Variants in GALNT12 observed in about 807,000 individuals in gnomAD.
The protein encoded by GALNT12 is polypeptide N-acetylgalactosaminyltransferase 12, also known as UDP-GalNAc:polypeptide N-acetylgalactosaminyltransferase 12.
In GALNT12, 45 loss-of-function variants were observed where a neutral mutation model predicts 55.5. The observed-to-expected ratio is 0.81, with a 90% confidence interval of 0.64 to 1.04. The LOEUF (loss-of-function observed/expected upper bound fraction) is 1.04. Ranked by LOEUF, GALNT12 falls within the 50% of genes least tolerant of loss-of-function variation. GALNT12 has a pLI of 0.00. For synonymous variants in GALNT12, 304 were observed against 312.2 expected (o/e 0.97, Z 0.28); for missense variants, 709 against 754.8 (o/e 0.94, Z 0.71).
chr9:98,817,330 C>G (rs1835635520), intron 1 of GALNT12, among the ~76,000 whole-genome samples: 1 of 152,200 alleles, frequency 6.6e-6, no homozygotes, highest in African/African-American at 2.4e-5. Context: ...CTTTTCTATG[C>G]ATCTTGTCTA....
rs547822849 is a variant in GALNT12, at chr9:98,842,096, G to GT, written c.1344+1971dup. ...GTTTTTTTTTTTGTTGTGGCTCATT[G>GT]TTTTTTTTGGCTTTTTCTCTTCTTG... On this transcript the variant is annotated intron_variant, in intron 7 of 9. Transcript: ENST00000375011. Among the ~76,000 whole-genome samples, 123 of 149,728 alleles carry GT rather than the reference G, an allele frequency of 8.2e-4. 1 individual carries two copies. The highest frequency in any genetic ancestry group is 5.7e-3 in the Admixed American group (85 of 15,004).
chr9:98,844,375 C>T (rs752651220), intron 8 of GALNT12, 166 bp downstream of exon 8: 57 of 630,858 alleles, frequency 9.0e-5, no homozygotes, highest in Non-Finnish European at 1.4e-4. Flanking sequence ...GTTTTCTTCC[C>T]ATCATTTTTT....
At chr9:98,843,607 G>A (rs7047799) in intron 7 of GALNT12, among the ~76,000 whole-genome samples, 38,475 of 151,988 alleles carry the variant, frequency 0.25, 6,505 homozygotes, top group East Asian at 0.6. Context: ...CGGTTTTGCC[G>A]TGTTGGCCAG....
At position 98,808,412 on chromosome 9, in the gene GALNT12, T is replaced by C. The variant is rs1835424821; in HGVS notation, c.371+343T>C. On this transcript the variant is annotated intron_variant, in intron 1 of 9. Transcript: ENST00000375011. ...CAGCACCCAAAGGACAACCCCGCTC[T>C]GCCCGCCTCGCAGTGCCTCCGCGAA... Among the ~76,000 whole-genome samples the C allele has an allele frequency of 3.3e-5, 5 of 152,286 alleles. 1 individual carries two copies. The South Asian group carries it at 1.0e-3, about 32-fold the overall frequency.
At chr9:98,843,849 A>C (rs1429114350) in intron 7 of GALNT12, among the ~76,000 whole-genome samples, 1 of 152,234 alleles carries the variant, frequency 6.6e-6, no homozygotes, top group Non-Finnish European at 1.5e-5. Context: ...AGGAGCTTTC[A>C]GGCCATGAAG....
At chr9:98,838,582 G>A (rs560147767) in intron 6 of GALNT12, among the ~76,000 whole-genome samples, 1 of 152,298 alleles carries the variant, frequency 6.6e-6, no homozygotes, top group East Asian at 1.9e-4. Context: ...CTACCTCCGG[G>A]ACCATTGTGG....
chr9:98,825,930 A>G lies in GALNT12; in HGVS notation c.542-822A>G, dbSNP rs141312148. Among the ~76,000 whole-genome samples, 1,305 of 152,128 alleles carry G rather than the reference A, an allele frequency of 8.6e-3. 12 individuals carry two copies. The highest frequency in any genetic ancestry group is 0.033 in the South Asian group (157 of 4,810). On this transcript the variant is annotated intron_variant, in intron 2 of 9. Coordinates refer to ENST00000375011, the MANE Select transcript of GALNT12 (RefSeq NM_024642.5). Reference sequence around the variant, plus strand: ...GTTGAGGCTGCAGTGAGCCATGATCATGCCACTGCACTCTAGCCTGGCTGA... The same window carrying G: ...GTTGAGGCTGCAGTGAGCCATGATCGTGCCACTGCACTCTAGCCTGGCTGA...
intron 6 of GALNT12, among the ~76,000 whole-genome samples, chr9:98,838,638 AAC>A (rs1836214395): frequency 6.6e-6 from 1 of 152,178 alleles, no homozygotes; most frequent in African/African-American, 2.4e-5. Context: ...CTTCAGATGA[AAC>A]ACAGTCCACT....
At chr9:98,832,182 A>G (rs1836015339) in intron 4 of GALNT12, among the ~76,000 whole-genome samples, 1 of 152,190 alleles carries the variant, frequency 6.6e-6, no homozygotes, top group African/African-American at 2.4e-5. Flanking sequence ...AAATTGTGGT[A>G]AAATATACAT....
In GALNT12 at chr9:98,849,451, G is replaced by A. The variant is rs1836500471; in HGVS notation, c.*359G>A. 1.9e-6 allele frequency: 1 copy of A among 531,698 alleles called. No homozygotes were observed. Among genetic ancestry groups the A allele is most frequent in the South Asian group, 3.2e-5 (1 of 31,588 alleles). 32.9% of individuals were successfully genotyped at this position (531,698 alleles called of 1,614,324 possible). The stretch of plus-strand genomic sequence containing the variant: ...CAAAAAAGATAAAGATTTTATTTTG[G>A]TATTTACAAGAATTCCCAGGTACGA... On this transcript the variant is annotated 3_prime_UTR_variant, in exon 10 of 10. Transcript: ENST00000375011.
At chr9:98,822,871 A>C (rs1835775783) in intron 1 of GALNT12, among the ~76,000 whole-genome samples, 2 of 152,134 alleles carry the variant, frequency 1.3e-5, no homozygotes, top group African/African-American at 4.8e-5. Flanking sequence ...GAAGGGAGGA[A>C]GGGGCATTCC....
At chr9:98,824,396 G>A (rs917380919) in intron 2 of GALNT12, among the ~76,000 whole-genome samples, 2 of 152,112 alleles carry the variant, frequency 1.3e-5, no homozygotes, top group South Asian at 4.1e-4. Context: ...AGACTTAAAG[G>A]GGAAGGAGAG....
chr9:98,846,810 T>C (rs1006191230), intron 9 of GALNT12, among the ~76,000 whole-genome samples: 1 of 134,038 alleles, frequency 7.5e-6, no homozygotes, highest in Admixed American at 8.9e-5. Flanking sequence ...TCAGCCGAAA[T>C]CATGCCACTG....
rs1836499922 is a variant in GALNT12, at chr9:98,849,433, G to T, written c.*341G>T. 2.3e-5 allele frequency: 12 copies of T among 527,178 alleles called. No homozygotes were observed. The East Asian group carries it at 3.6e-4, about 16-fold the overall frequency. 32.7% of individuals were successfully genotyped at this position (527,178 alleles called of 1,614,324 possible). A position where few individuals can be genotyped will look rare whatever the true frequency, so the allele number is the denominator to read the frequency against. ...GCCTTTTACTCTCATTAGCAAAAAA[G>T]ATAAAGATTTTATTTTGGTATTTAC... On this transcript the variant is annotated 3_prime_UTR_variant, in exon 10 of 10. Transcript: ENST00000375011.
intron 8 of GALNT12, 69 bp from the exon 9 acceptor site, chr9:98,845,908 T>C: frequency 6.5e-7 from 1 of 1,546,994 alleles, no homozygotes; most frequent in Non-Finnish European, 8.9e-7. Flanking sequence ...CAGGTTCTTG[T>C]CCAGCGATCT....
At chr9:98,815,236 G>A (rs1229890988) in intron 1 of GALNT12, among the ~76,000 whole-genome samples, 1 of 152,160 alleles carries the variant, frequency 6.6e-6, no homozygotes, top group African/African-American at 2.4e-5. Flanking sequence ...CTCTATCATA[G>A]TACCCATTGC....
chr9:98,817,817 G>A (rs539764227), intron 1 of GALNT12, among the ~76,000 whole-genome samples: 1 of 152,258 alleles, frequency 6.6e-6, no homozygotes, highest in South Asian at 2.1e-4. Flanking sequence ...GAGGGCATTT[G>A]TAAGGGCCAC....
At position 98,844,267 on chromosome 9, in the gene GALNT12, G is replaced by T. The variant is rs1885608; in HGVS notation, c.1458+58G>T. 0.7 allele frequency: 831,275 copies of T among 1,196,060 alleles called. 291,938 individuals carry two copies. Among genetic ancestry groups the T allele is most frequent in the East Asian group, 0.87 (36,737 of 42,202 alleles). The allele number at this position is 1,196,060 out of a possible 1,614,324, so 74.1% of individuals were successfully genotyped here. On this transcript the variant is annotated intron_variant, in intron 8 of 9. Transcript: ENST00000375011. ...TGTGTTTTGTTAAAAAAATTAAATAGTTGAATTTTTTTCTTGTAAAAGTAA... is the reference window on the plus strand; with the variant it reads ...TGTGTTTTGTTAAAAAAATTAAATATTTGAATTTTTTTCTTGTAAAAGTAA...
Position 98,844,336 on chromosome 9 carries a change from CAGAG to C in GALNT12, c.1458+131_1458+134del, listed in dbSNP as rs1836364839. 4.3e-6 allele frequency: 3 copies of C among 691,768 alleles called. No homozygotes were observed. The Admixed American group carries it at 7.1e-5, about 16-fold the overall frequency. The allele number at this position is 691,768 out of a possible 1,614,324, so 42.9% of individuals were successfully genotyped here. On this transcript the variant is annotated intron_variant, in intron 8 of 9. Coordinates refer to ENST00000375011, the MANE Select transcript of GALNT12 (RefSeq NM_024642.5). Reference sequence around the variant, plus strand: ...AGTAGAAGCCTAGGGTGGCCAGACTCAGAGAGACCACTGTTAAAATTAAAATGTG... The same window carrying C: ...AGTAGAAGCCTAGGGTGGCCAGACTCAGACCACTGTTAAAATTAAAATGTG...
Sources: allele counts gnomAD v4.1 joint callset (sites outside exome capture counted in the v4.1 genomes callset), GRCh38; gene constraint gnomAD v4.1.1; transcripts MANE v1.5; gene names NCBI Gene and HGNC (gene_info 2026-07-23, HGNC 2026-07-21).